SARDH: variants seen among roughly 807,000 people sequenced by gnomAD.
SARDH encodes the protein sarcosine dehydrogenase, also known as sarcosine dehydrogenase, mitochondrial.
Under a neutral mutation model 109.1 loss-of-function variants are expected in SARDH, and 95 were observed. That is an observed-to-expected ratio of 0.87 (90% CI 0.74 to 1.03). The LOEUF (loss-of-function observed/expected upper bound fraction) is 1.03. Among genes scored for constraint, SARDH ranks in the 50% least tolerant of loss-of-function variants. SARDH has a pLI of 0.00. For missense variants in SARDH, 1,267 were observed against 1,287.8 expected (o/e 0.98, Z 0.25); for synonymous variants, 572 against 534.8 (o/e 1.07, Z -0.96).
intron 6 of SARDH, among the ~76,000 whole-genome samples, chr9:133,722,642 G>GCGCT (rs1554758527): frequency 2.1e-5 from 3 of 145,748 alleles, no homozygotes; most frequent in African/African-American, 5.2e-5. Context: ...AACTACTAGC[G>GCGCT]CTCTCTCTCT....
chr9:133,670,610 C>T lies in SARDH; in HGVS notation c.2469G>A (p.Arg823=), dbSNP rs755992745. 6.3e-7 allele frequency: 1 copy of T among 1,577,044 alleles called. No homozygotes were observed. Among genetic ancestry groups the T allele is most frequent in the South Asian group, 1.2e-5 (1 of 86,228 alleles). ...CCTCCATGGTGAAGCACACCAGGCG[C>T]CGGCGGAGGCCTGCGGCCCGCTGCT... ...LEQQRAAGLR[R]RLVCFTMEDK... is the part of the protein sequence containing the mutation. Residue 823 remains arginine, a synonymous_variant, in exon 19 of 21, where the codon CGG becomes CGA. Transcript: ENST00000439388.
At chr9:133,727,895 G>C (rs1832546556) in intron 6 of SARDH, among the ~76,000 whole-genome samples, 1 of 152,146 alleles carries the variant, frequency 6.6e-6, no homozygotes, top group Non-Finnish European at 1.5e-5. Context: ...ATTAGGGATG[G>C]AGGATGGAGC....
intron 6 of SARDH, among the ~76,000 whole-genome samples, chr9:133,727,174 A>C (rs1832522031): frequency 6.6e-6 from 1 of 152,184 alleles, no homozygotes; most frequent in Non-Finnish European, 1.5e-5. Flanking sequence ...GAGGGAAGAG[A>C]TGAGCCCTAG....
chr9:133,664,092 G>C, intron 20 of SARDH, 78 bp from the exon 21 acceptor site: 1 of 1,556,772 alleles, frequency 6.4e-7, no homozygotes, highest in Non-Finnish European at 8.7e-7. Context: ...CTCTGGAGGA[G>C]GGGGTCTTGG....
In SARDH at chr9:133,666,200, GGAAA is replaced by G. The variant is rs1830059169; in HGVS notation, c.2631+531_2631+534del. 6.6e-6 allele frequency among the ~76,000 whole-genome samples: 1 copy of G among 151,578 alleles called. No homozygotes were observed. The highest frequency in any genetic ancestry group is 6.5e-5 in the Admixed American group (1 of 15,274). ...CTGGGGTCAGGGGTGTCGGGGGTGA[GGAAA>G]GAGAGGATAGGAACATGGGTCTCTG... On this transcript the variant is annotated intron_variant, in intron 20 of 20. Coordinates refer to ENST00000439388, the MANE Select transcript of SARDH (RefSeq NM_001134707.2). The surrounding 1 kb of genome is among the most constrained non-coding windows in gnomAD (Gnocchi z 5.2).
chr9:133,724,030 G>A (rs1832409862), intron 6 of SARDH, among the ~76,000 whole-genome samples: 1 of 152,114 alleles, frequency 6.6e-6, no homozygotes, highest in South Asian at 2.1e-4. Context: ...ATAGTCTTGG[G>A]TTGGGAAATG....
intron 17 of SARDH, among the ~76,000 whole-genome samples, chr9:133,680,954 C>T (rs968354981): frequency 4.6e-5 from 7 of 152,232 alleles, no homozygotes; most frequent in South Asian, 2.1e-4. Context: ...ATGGACCCCA[C>T]GGACTCCAAG....
chr9:133,670,511 G>T (rs1249232247), intron 19 of SARDH, 73 bp downstream of exon 19: 12 of 1,483,008 alleles, frequency 8.1e-6, no homozygotes, highest in East Asian at 7.4e-5. Flanking sequence ...TTGAGTGGGG[G>T]ACCAAGAAGC....
At chr9:133,701,660 C>T (rs1241442170) in intron 13 of SARDH, among the ~76,000 whole-genome samples, 4 of 152,208 alleles carry the variant, frequency 2.6e-5, no homozygotes, top group East Asian at 1.9e-4. Context: ...GACGGAGCCC[C>T]GAGCACTCCC....
rs143615201 is a variant in SARDH at position 133,698,847 on chromosome 9, C to T, written c.1669-2486G>A. ...AGAAGAAAACATAAATGTTTTTTAC[C>T]TTCGGTTAGGTTCTTAGACATGACA... On this transcript the variant is annotated intron_variant, in intron 13 of 20. Coordinates refer to ENST00000439388, the MANE Select transcript of SARDH (RefSeq NM_001134707.2). Among the ~76,000 whole-genome samples, 23 of 152,252 alleles carry T rather than the reference C, an allele frequency of 1.5e-4. No homozygotes were observed. The East Asian group carries it at 4.0e-3, about 27-fold the overall frequency.
intron 17 of SARDH, among the ~76,000 whole-genome samples, chr9:133,677,019 G>C (rs1317508491): frequency 6.6e-6 from 1 of 152,028 alleles, no homozygotes; most frequent in Non-Finnish European, 1.5e-5. Flanking sequence ...GGCACCTTTA[G>C]TCCCAGCTAC....
At chr9:133,663,476 A>C (rs1829950713), downstream of SARDH, 1 of 253,890 alleles carries the variant, frequency 3.9e-6, no homozygotes, top group Non-Finnish European at 7.6e-6. Context: ...ACACAGCCTC[A>C]TGCTCTTCAG....
intron 19 of SARDH, among the ~76,000 whole-genome samples, chr9:133,670,190 G>A (rs557149446): frequency 1.3e-4 from 20 of 152,262 alleles, no homozygotes; most frequent in Admixed American, 1.1e-3. Flanking sequence ...TTAGCTGGGT[G>A]TGGTAGTGCA....
chr9:133,689,435 G>A (rs1831012520), intron 16 of SARDH, among the ~76,000 whole-genome samples: 1 of 151,940 alleles, frequency 6.6e-6, no homozygotes, highest in African/African-American at 2.4e-5. Flanking sequence ...CCAATGGAAG[G>A]CCTAGACTAG....
At chr9:133,674,204 C>G (rs994075348) in intron 17 of SARDH, among the ~76,000 whole-genome samples, 2 of 152,240 alleles carry the variant, frequency 1.3e-5, no homozygotes, top group Admixed American at 1.3e-4. Flanking sequence ...ACAGGCCAAG[C>G]GAGGACATCC....
chr9:133,678,471 A>G (rs1271783478), intron 17 of SARDH, among the ~76,000 whole-genome samples: 1 of 152,136 alleles, frequency 6.6e-6, no homozygotes, highest in African/African-American at 2.4e-5. Flanking sequence ...CTCTCCCCCA[A>G]AGCCAGCCAT....
chr9:133,659,745 A>ATAAG (rs1164014357), downstream of SARDH, among the ~76,000 whole-genome samples: 6 of 152,150 alleles, frequency 3.9e-5, 1 homozygote, highest in South Asian at 4.1e-4. Flanking sequence ...CTTGTGGTCC[A>ATAAG]TAAGTCACGG....
chr9:133,707,625 G>A (rs1831739392), intron 11 of SARDH, among the ~76,000 whole-genome samples: 1 of 152,078 alleles, frequency 6.6e-6, no homozygotes, highest in African/African-American at 2.4e-5. Context: ...AACATCCCCC[G>A]AGCACCTCAA....
intron 12 of SARDH, 87 bp from the exon 13 acceptor site, chr9:133,703,116 TG>T: frequency 8.3e-7 from 1 of 1,202,624 alleles, no homozygotes; most frequent in Non-Finnish European, 1.2e-6. Flanking sequence ...GAGGCTGTGA[TG>T]GGGTCAGGCC....
Sources: allele counts gnomAD v4.1 joint callset (sites outside exome capture counted in the v4.1 genomes callset), GRCh38; gene constraint gnomAD v4.1.1; non-coding constraint Gnocchi (gnomAD v3.1); transcripts MANE v1.5; gene names NCBI Gene and HGNC (gene_info 2026-07-23, HGNC 2026-07-21).